The following ICE1 variants were observed in gnomAD, a reference collection of about 807,000 sequenced individuals.
The protein encoded by ICE1 is interactor of little elongation complex ELL subunit 1.
ICE1 carries 64 observed loss-of-function variants against 192.7 expected under a neutral mutation model. That is an observed-to-expected ratio of 0.33 (90% CI 0.27 to 0.41). ICE1 has a LOEUF of 0.41. Among genes scored for constraint, ICE1 ranks in the 10% least tolerant of loss-of-function variants. ICE1 has a pLI of 1.00. For missense variants in ICE1, 2,708 were observed against 2,696.0 expected (o/e 1.00, Z -0.10); for synonymous variants, 1,010 against 984.5 (o/e 1.03, Z -0.49).
rs780395126 is a variant in ICE1 at position 5,466,522 on chromosome 5, A to G, written c.6061+20A>G. On this transcript the variant is annotated intron_variant, in intron 14 of 18. Transcript: ENST00000296564. ...AAGAAGGTATGCTTAGATTGTGACA[A>G]TTTTGTATTGAAAATATACGATTGC... 3.2e-6 allele frequency: 5 copies of G among 1,586,424 alleles called. No individual in the cohort carries two copies. In the African/African-American group the frequency reaches 4.1e-5, roughly 13 times the overall value.
Position 5,473,563 on chromosome 5 carries a change from C to T in ICE1, c.6228C>T (p.Ala2076=). 2 of 1,608,034 alleles carry T rather than the reference C, an allele frequency of 1.2e-6. No homozygotes were observed. Among genetic ancestry groups the T allele is most frequent in the Non-Finnish European group, 1.7e-6 (2 of 1,178,436 alleles). The change falls in exon 16 of 19, where the codon GCC becomes GCT. Residue 2076 remains alanine, a synonymous_variant. Coordinates refer to ENST00000296564, the MANE Select transcript of ICE1 (RefSeq NM_015325.3). Reference sequence around the variant, plus strand: ...TATTTCTTTTCATTTGCTAGAATGCCCCGGTAGATGTTGGCTTCATGGTTT... The same window carrying T: ...TATTTCTTTTCATTTGCTAGAATGCTCCGGTAGATGTTGGCTTCATGGTTT... ...LRAFLNWEKN[A]PVDVGFMVSK...
rs757843523 is a variant in ICE1, at chr5:5,463,535, G to A, written c.4201G>A (p.Val1401Met). The A allele has an allele frequency of 2.5e-6, 4 of 1,613,746 alleles. No individual in the cohort carries two copies. The highest frequency in any genetic ancestry group is 3.4e-6 in the Non-Finnish European group (4 of 1,179,826). Residue 1401 changes from valine (V) to methionine (M), a missense_variant, in exon 13 of 19, where the codon GTG becomes ATG. By Grantham distance (21) the Val-to-Met change is conservative. Around this residue, in one of 2 missense-constraint regions of ICE1, gnomAD observed 2,366 missense variants for 2,276.6 expected, o/e 1.04. Transcript: ENST00000296564. ...ETTFQCQIAT[V>M]TSEVINVLIN... ...AACATTTCAGTGTCAGATAGCAACA[G>A]TGACCTCAGAAGTTATAAACGTACT...
At chr5:5,483,820 G>C (rs753881709) in intron 17 of ICE1, among the ~76,000 whole-genome samples, 8 of 152,192 alleles carry the variant, frequency 5.3e-5, no homozygotes, top group Non-Finnish European at 1.2e-4. Flanking sequence ...GACCGAAGTA[G>C]CCATTATTCA....
intron 10 of ICE1, among the ~76,000 whole-genome samples, chr5:5,450,627 G>A (rs147188961): frequency 1.2e-4 from 19 of 152,250 alleles, no homozygotes; most frequent in Non-Finnish European, 1.6e-4. Flanking sequence ...TGACACCTTC[G>A]TAGGAAATAT....
In ICE1 at chr5:5,422,953, C is replaced by A; in HGVS notation, c.38C>A (p.Thr13Lys). Residue 13 changes from threonine (T) to lysine (K), a missense_variant, in exon 1 of 19, where the codon ACG becomes AAG. Thr to Lys is a moderately conservative substitution (Grantham distance 78). This residue lies in a region of ICE1 where 2,366 missense variants were observed against 2,276.6 expected (regional missense o/e 1.04). Coordinates refer to ENST00000296564, the MANE Select transcript of ICE1 (RefSeq NM_015325.3). ...GAGACCCATTCGGCGGCGCCCGGGA[C>A]GGCGGCGGACCTGTCGCGATGTCAG... ...PGETHSAAPG[T>K]AADLSRCQGC... 4 of 1,450,070 alleles carry A rather than the reference C, an allele frequency of 2.8e-6. No homozygotes were observed. The highest frequency in any genetic ancestry group is 3.6e-6 in the Non-Finnish European group (4 of 1,103,242). 89.8% of individuals were successfully genotyped at this position (1,450,070 alleles called of 1,614,324 possible). A position where few individuals can be genotyped will look rare whatever the true frequency, so the allele number is the denominator to read the frequency against.
chr5:5,444,444 A>AT, intron 7 of ICE1, 118 bp downstream of exon 7: 1 of 684,752 alleles, frequency 1.5e-6, no homozygotes, highest in South Asian at 2.0e-5. Context: ...TGGTACATCC[A>AT]TGGATGACTG....
intron 1 of ICE1, among the ~76,000 whole-genome samples, chr5:5,428,017 A>G (rs140102114): frequency 1.2e-3 from 176 of 152,228 alleles, no homozygotes; most frequent in African/African-American, 4.0e-3. Context: ...GCAGTTAACT[A>G]AGAGGGAAAA....
chr5:5,489,452 C>A lies in ICE1; in HGVS notation c.*122C>A. 2 of 825,272 alleles carry A rather than the reference C, an allele frequency of 2.4e-6. No homozygotes were observed. Among genetic ancestry groups the A allele is most frequent in the Non-Finnish European group, 3.6e-6 (2 of 551,014 alleles). 51.1% of individuals were successfully genotyped at this position (825,272 alleles called of 1,614,324 possible). A position where few individuals can be genotyped will look rare whatever the true frequency, so the allele number is the denominator to read the frequency against. On this transcript the variant is annotated 3_prime_UTR_variant, in exon 19 of 19. Coordinates refer to ENST00000296564, the MANE Select transcript of ICE1 (RefSeq NM_015325.3). ...AAAGACATAAAATAGATAAAACAGA[C>A]CAGAGGCTCTCCTTATTGTTTGGCA...
At chr5:5,474,851 G>C (rs1739265533) in intron 16 of ICE1, among the ~76,000 whole-genome samples, 1 of 152,174 alleles carries the variant, frequency 6.6e-6, no homozygotes, top group Admixed American at 6.5e-5. Flanking sequence ...TCATCATCTT[G>C]ACACTAAGGG....
intron 17 of ICE1, among the ~76,000 whole-genome samples, chr5:5,484,350 G>A (rs1739580846): frequency 6.6e-6 from 1 of 152,196 alleles, no homozygotes; most frequent in Non-Finnish European, 1.5e-5. Context: ...GGGAACGCAT[G>A]CACATCCCAT....
chr5:5,460,067 A>G (rs1738721110), intron 12 of ICE1, among the ~76,000 whole-genome samples: 2 of 152,208 alleles, frequency 1.3e-5, no homozygotes. Flanking sequence ...GTGAAGCCAG[A>G]GGCCAGCAAC....
intron 5 of ICE1, among the ~76,000 whole-genome samples, chr5:5,441,675 G>T (rs920246214): frequency 6.6e-6 from 1 of 152,184 alleles, no homozygotes; most frequent in Non-Finnish European, 1.5e-5. Context: ...TGAATGAAGC[G>T]TGTAGGGCTT....
At chr5:5,485,238 T>C (rs747280893) in intron 17 of ICE1, among the ~76,000 whole-genome samples, 10 of 152,186 alleles carry the variant, frequency 6.6e-5, no homozygotes, top group Non-Finnish European at 1.3e-4. Flanking sequence ...TAGTTATTCA[T>C]TTAAAATGAA....
intron 1 of ICE1, among the ~76,000 whole-genome samples, chr5:5,429,130 G>A (rs575464339): frequency 3.5e-4 from 54 of 152,248 alleles, no homozygotes; most frequent in Middle Eastern, 6.8e-3. Context: ...CTCCAGTATC[G>A]TGTTGTAACA....
rs113524233 is a variant in ICE1, at chr5:5,479,444, C to A, written c.6520+3365C>A. ...TGATCATTAAAAAGTCAGGAAACAACAGATGCTGGTGAGGCTGTGGAGAAA... is the reference window on the plus strand; with the variant it reads ...TGATCATTAAAAAGTCAGGAAACAAAAGATGCTGGTGAGGCTGTGGAGAAA... On this transcript the variant is annotated intron_variant, in intron 17 of 18. Transcript: ENST00000296564. Among the ~76,000 whole-genome samples, 812 of 152,292 alleles carry A rather than the reference C, an allele frequency of 5.3e-3. 6 individuals carry two copies. Among genetic ancestry groups the A allele is most frequent in the East Asian group, 0.027 (141 of 5,178 alleles).
Position 5,489,761 on chromosome 5 carries a change from T to G in ICE1, c.*431T>G, listed in dbSNP as rs902650177. 1 of 153,090 alleles carries G rather than the reference T, an allele frequency of 6.5e-6. No homozygotes were observed. Among genetic ancestry groups the G allele is most frequent in the Admixed American group, 6.5e-5 (1 of 15,308 alleles). The allele number at this position is 153,090 out of a possible 1,614,324, so 9.5% of individuals were successfully genotyped here. On this transcript the variant is annotated 3_prime_UTR_variant, in exon 19 of 19. Coordinates refer to ENST00000296564, the MANE Select transcript of ICE1 (RefSeq NM_015325.3). The stretch of plus-strand genomic sequence containing the variant: ...CAATGAGTGACTAGGAAAAAATAAA[T>G]TGGCAAAAACCTAGAGTTTTCTGCT...
At chr5:5,470,150 C>T (rs939991812) in intron 15 of ICE1, among the ~76,000 whole-genome samples, 1 of 152,118 alleles carries the variant, frequency 6.6e-6, no homozygotes, top group South Asian at 2.1e-4. Context: ...CAGAGGGTTA[C>T]CTGTTCACAG....
intron 4 of ICE1, 111 bp downstream of exon 4, chr5:5,440,024 A>T: frequency 1.7e-6 from 1 of 589,964 alleles, no homozygotes. Flanking sequence ...TGTACATAGG[A>T]TTACTCATAA....
At chr5:5,439,154 AT>A (rs1737964179) in intron 3 of ICE1, among the ~76,000 whole-genome samples, 1 of 152,132 alleles carries the variant, frequency 6.6e-6, no homozygotes, top group African/African-American at 2.4e-5. Context: ...CAAGAAATGT[AT>A]TTTATTTCAT....
Sources: allele counts gnomAD v4.1 joint callset (sites outside exome capture counted in the v4.1 genomes callset), GRCh38; gene constraint gnomAD v4.1.1; regional missense constraint gnomAD v4.1.1; transcripts MANE v1.5; gene names NCBI Gene and HGNC (gene_info 2026-07-23, HGNC 2026-07-21).